The following RACGAP1 variants were observed in gnomAD, a reference collection of about 807,000 sequenced individuals.
RACGAP1 encodes the protein Rac GTPase activating protein 1, also known as rac GTPase-activating protein 1.
A neutral mutation model predicts 78.1 loss-of-function variants in RACGAP1; 30 were observed. The ratio of observed to expected loss-of-function variants is 0.38; its 90% CI spans 0.29 to 0.52. The LOEUF (loss-of-function observed/expected upper bound fraction) is 0.52. Among genes scored for constraint, RACGAP1 ranks in the 20% least tolerant of loss-of-function variants. The pLI is 0.82. For missense variants in RACGAP1, 587 were observed against 777.1 expected (o/e 0.76, Z 2.91); for synonymous variants, 231 against 264.8 (o/e 0.87, Z 1.24).
chr12:50,006,239 A>G (rs1019018685), intron 3 of RACGAP1, among the ~76,000 whole-genome samples, 195 bp downstream of exon 3: 2 of 152,218 alleles, frequency 1.3e-5, no homozygotes, highest in African/African-American at 4.8e-5. Flanking sequence ...AAAACATTTA[A>G]ATTTCAAATT....
rs890591076 is a variant in RACGAP1, at chr12:49,989,657, C to G, written c.*611G>C. On this transcript the variant is annotated 3_prime_UTR_variant, in exon 17 of 17. Transcript: ENST00000312377. ...TGTGCCACTCAACACTATTAAAGAC[C>G]TAATCATCCAAATCAAAGCTACGCA... 6.6e-6 allele frequency: 1 copy of G among 152,200 alleles called. No homozygotes were observed. The highest frequency in any genetic ancestry group is 1.5e-5 in the Non-Finnish European group (1 of 68,046). The allele number at this position is 152,200 out of a possible 1,614,324, so 9.4% of individuals were successfully genotyped here.
chr12:50,029,771 T>C (rs1001120777), upstream of RACGAP1, among the ~76,000 whole-genome samples: 18 of 151,596 alleles, frequency 1.2e-4, no homozygotes, highest in Non-Finnish European at 2.4e-4. Context: ...CGGGCGCCTG[T>C]AGTCCCAGCT....
intron 7 of RACGAP1, among the ~76,000 whole-genome samples, chr12:50,000,249 G>A (rs944072241): frequency 3.9e-5 from 6 of 151,914 alleles, no homozygotes; most frequent in South Asian, 2.1e-4. Flanking sequence ...TCCTGACCTC[G>A]TGATCCACCC....
intron 12 of RACGAP1, among the ~76,000 whole-genome samples, 175 bp from the exon 13 acceptor site, chr12:49,992,830 A>G (rs1224676813): frequency 6.6e-6 from 1 of 152,228 alleles, no homozygotes; most frequent in African/African-American, 2.4e-5. Context: ...CAACAGCTCA[A>G]TATTAGAAGT....
intron 16 of RACGAP1, 39 bp from the exon 17 acceptor site, chr12:49,990,382 A>G: frequency 6.5e-7 from 1 of 1,533,990 alleles, no homozygotes; most frequent in Non-Finnish European, 9.0e-7. Context: ...AATATTCTAT[A>G]AAAAATGGTT....
intron 15 of RACGAP1, among the ~76,000 whole-genome samples, 191 bp downstream of exon 15, chr12:49,991,807 A>G (rs1255977989): frequency 1.3e-5 from 2 of 151,954 alleles, no homozygotes; most frequent in South Asian, 2.1e-4. Flanking sequence ...ATCTATATTT[A>G]AAAAACATAT....
At chr12:49,993,200 G>C (rs1811715556) in intron 12 of RACGAP1, among the ~76,000 whole-genome samples, 1 of 152,160 alleles carries the variant, frequency 6.6e-6, no homozygotes, top group South Asian at 2.1e-4. Flanking sequence ...GGTATATGAA[G>C]AGAAATATGA....
At chr12:50,018,429 A>T in intron 1 of RACGAP1, 2 of 818,420 alleles carry the variant, frequency 2.4e-6, no homozygotes, top group South Asian at 3.0e-5. Context: ...GAACAAAACT[A>T]AAAGGATAGC....
intron 16 of RACGAP1, 99 bp from the exon 17 acceptor site, chr12:49,990,442 C>A (rs1947757088): frequency 1.8e-6 from 2 of 1,081,350 alleles, no homozygotes; most frequent in African/African-American, 1.6e-5. Flanking sequence ...AAGTAGGAAA[C>A]CCTAGACAAC....
chr12:50,006,407 T>C, intron 3 of RACGAP1, 27 bp downstream of exon 3: 1 of 1,612,516 alleles, frequency 6.2e-7, no homozygotes, highest in Non-Finnish European at 8.5e-7. Context: ...GCATCATCAC[T>C]GTTCTAGCAC....
intron 2 of RACGAP1, among the ~76,000 whole-genome samples, chr12:50,016,420 T>C (rs1949683894): frequency 6.6e-6 from 1 of 152,108 alleles, no homozygotes; most frequent in Admixed American, 6.6e-5. Flanking sequence ...AAAGCCTGGC[T>C]AAAACCTATT....
chr12:50,004,632 A>C (rs1341545970), intron 4 of RACGAP1, among the ~76,000 whole-genome samples: 1 of 152,244 alleles, frequency 6.6e-6, no homozygotes, highest in Non-Finnish European at 1.5e-5. Flanking sequence ...AATCAAGGGA[A>C]TGAAGTTTAA....
intron 2 of RACGAP1, among the ~76,000 whole-genome samples, chr12:50,013,928 C>T (rs1221251812): frequency 6.6e-6 from 1 of 152,178 alleles, no homozygotes; most frequent in African/African-American, 2.4e-5. Flanking sequence ...CACTCTGATC[C>T]ATCTTCTGAG....
intron 2 of RACGAP1, among the ~76,000 whole-genome samples, chr12:50,015,006 G>A (rs886968259): frequency 4.1e-5 from 6 of 145,794 alleles, no homozygotes; most frequent in African/African-American, 1.5e-4. Flanking sequence ...CCACACCAGT[G>A]CACTCCAGCC....
intron 3 of RACGAP1, among the ~76,000 whole-genome samples, chr12:50,006,110 A>G (rs1413028085): frequency 6.6e-6 from 1 of 152,198 alleles, no homozygotes; most frequent in Non-Finnish European, 1.5e-5. Flanking sequence ...ACAATGAAGG[A>G]TGGCCAATAA....
chr12:50,010,725 G>C (rs934244058), intron 2 of RACGAP1, among the ~76,000 whole-genome samples: 2 of 151,854 alleles, frequency 1.3e-5, no homozygotes, highest in Non-Finnish European at 1.5e-5. Context: ...CTGAGGTCGG[G>C]AGTTCGAGAC....
intron 1 of RACGAP1, chr12:50,021,233 T>C: frequency 1.8e-6 from 1 of 549,080 alleles, no homozygotes; most frequent in Non-Finnish European, 2.3e-6. Flanking sequence ...CTTTTGCAGC[T>C]GTAAAACAGC....
rs757681041 is a variant in RACGAP1 at position 50,000,018 on chromosome 12, A to ATTTTTTTTTTTTTTT, written c.631-286_631-285insAAAAAAAAAAAAAAA. Among the ~76,000 whole-genome samples the ATTTTTTTTTTTTTTT allele has an allele frequency of 8.9e-4, 89 of 99,596 alleles. 15 individuals carry two copies. Among genetic ancestry groups the ATTTTTTTTTTTTTTT allele is most frequent in the South Asian group, 2.3e-3 (6 of 2,556 alleles). The allele number at this position is 99,596 out of a possible 152,430, so 65.3% of individuals were successfully genotyped here. A position where few individuals can be genotyped will look rare whatever the true frequency, so the allele number is the denominator to read the frequency against. On this transcript the variant is annotated intron_variant, in intron 7 of 16. Transcript: ENST00000312377. Reference sequence around the variant, plus strand: ...AAGCATGCGCCACCACACCTGACTGATTTTTTTTTTTTTGAGACGGAGTCT... The same window carrying ATTTTTTTTTTTTTTT: ...AAGCATGCGCCACCACACCTGACTGATTTTTTTTTTTTTTTTTTTTTTTTTTTTGAGACGGAGTCT...
chr12:50,004,778 C>A (rs1455791566), intron 4 of RACGAP1, among the ~76,000 whole-genome samples: 3 of 152,182 alleles, frequency 2.0e-5, no homozygotes, highest in Admixed American at 6.5e-5. Flanking sequence ...AATAGCTGAC[C>A]TTTCCCTACA....
Sources: allele counts gnomAD v4.1 joint callset (sites outside exome capture counted in the v4.1 genomes callset), GRCh38; gene constraint gnomAD v4.1.1; transcripts MANE v1.5; gene names NCBI Gene and HGNC (gene_info 2026-07-23, HGNC 2026-07-21).